Variants in RGS12 observed in about 807,000 individuals in gnomAD.
The protein encoded by RGS12 is regulator of G-protein signaling 12.
In RGS12, 66 loss-of-function variants were observed where a neutral mutation model predicts 120.1. The observed-to-expected ratio is 0.55, with a 90% CI of 0.45 to 0.67. The LOEUF is 0.67. Among genes scored for constraint, RGS12 ranks in the 30% least tolerant of loss-of-function variants. RGS12 has a pLI of 0.00. For synonymous variants in RGS12, 827 were observed against 804.7 expected (o/e 1.03, Z -0.47); for missense variants, 1,859 against 1,957.7 (o/e 0.95, Z 0.95).
intron 3 of RGS12, among the ~76,000 whole-genome samples, chr4:3,368,355 ACCTGTGTGTGTGCGTG>A (rs1456184498): frequency 1.6e-5 from 2 of 127,942 alleles, no homozygotes; most frequent in African/African-American, 6.0e-5. Context: ...GTGTGTGTGC[ACCTGTGTGTGTGCGTG>A]CCTGTGTGTG....
chr4:3,417,605 C>A, intron 9 of RGS12, 64 bp downstream of exon 9: 1 of 1,563,658 alleles, frequency 6.4e-7, no homozygotes, highest in South Asian at 1.1e-5. Context: ...GTCCTGGCGT[C>A]GCTCTGGTGG....
At chr4:3,309,920 GA>G in intron 1 of RGS12, among the ~76,000 whole-genome samples, 1 of 142,008 alleles carries the variant, frequency 7.0e-6, no homozygotes, top group African/African-American at 2.7e-5. Flanking sequence ...GAGGAGCTGG[GA>G]CCCTGGAATG....
At chr4:3,423,192 C>G (rs551096111) in intron 12 of RGS12, among the ~76,000 whole-genome samples, 6 of 152,296 alleles carry the variant, frequency 3.9e-5, no homozygotes, top group African/African-American at 1.2e-4. Flanking sequence ...GTCCCGTGAA[C>G]AGGGACTGCC....
chr4:3,415,182 G>A (rs1035613115), intron 6 of RGS12, among the ~76,000 whole-genome samples: 16 of 151,202 alleles, frequency 1.1e-4, no homozygotes, highest in Admixed American at 4.6e-4. Context: ...GTGTGATAGG[G>A]CCGCGTGTGA....
At chr4:3,425,269 G>A (rs367841967) in intron 13 of RGS12, among the ~76,000 whole-genome samples, 195 bp from the exon 14 acceptor site, 19 of 152,210 alleles carry the variant, frequency 1.2e-4, no homozygotes, top group South Asian at 1.2e-3. Context: ...TAGGATGGTC[G>A]TGTAGTCGGG....
intron 1 of RGS12, among the ~76,000 whole-genome samples, chr4:3,293,401 C>G (rs1723164265): frequency 6.8e-6 from 1 of 147,678 alleles, no homozygotes; most frequent in Admixed American, 6.7e-5. Context: ...GGGCCCCGCG[C>G]TGTGAGGCCC....
In RGS12 at chr4:3,389,756, C is replaced by T. The variant is rs929081646; in HGVS notation, c.2020+3319C>T. 5.9e-5 allele frequency among the ~76,000 whole-genome samples: 9 copies of T among 152,188 alleles called. No individual in the cohort carries two copies. The highest frequency in any genetic ancestry group is 1.9e-4 in the African/African-American group (8 of 41,440). ...ACGGCGTCTGTGCCAGCAGGAAAGC[C>T]GGGGAACTGTGCGGCTCTGGCTTTG... is the stretch of plus-strand genomic sequence containing the variant. On this transcript the variant is annotated intron_variant, in intron 4 of 17. Coordinates refer to ENST00000336727, the MANE Select transcript of RGS12 (RefSeq NM_001394154.1). The surrounding 1 kb of genome is among the most constrained non-coding windows in gnomAD (Gnocchi z 5.2).
intron 3 of RGS12, among the ~76,000 whole-genome samples, chr4:3,368,576 G>GTGGA (rs1716621051): frequency 1.5e-5 from 2 of 132,570 alleles, no homozygotes. Flanking sequence ...TGTGTGTGGG[G>GTGGA]TGCCTGTGTG....
At chr4:3,291,326 G>T (rs910039984), upstream of RGS12, among the ~76,000 whole-genome samples, 17 of 151,540 alleles carry the variant, frequency 1.1e-4, no homozygotes, top group Non-Finnish European at 1.9e-4. Flanking sequence ...GGGCCAGGGT[G>T]GGGGCAGTTT....
chr4:3,286,213 G>A, the RGS12 span, among the ~76,000 whole-genome samples: 1 of 152,222 alleles, frequency 6.6e-6, no homozygotes, highest in East Asian at 1.9e-4. Flanking sequence ...GATGCTTAGA[G>A]CCAGGAGAGG....
intron 1 of RGS12, among the ~76,000 whole-genome samples, chr4:3,310,771 G>A (rs970046140): frequency 6.6e-6 from 1 of 152,148 alleles, no homozygotes; most frequent in African/African-American, 2.4e-5. Context: ...GATGACTATG[G>A]GAGGGTGTGA....
At chr4:3,362,382 T>C (rs1238183856) in intron 3 of RGS12, among the ~76,000 whole-genome samples, 1 of 148,160 alleles carries the variant, frequency 6.7e-6, no homozygotes, top group East Asian at 2.0e-4. Flanking sequence ...TGTCAGTGTG[T>C]GAGGATGTGT....
chr4:3,317,260 A>C lies in RGS12; in HGVS notation c.1090A>C (p.Thr364Pro). Residue 364 changes from threonine to proline, a missense_variant, in exon 2 of 18, where the codon ACG becomes CCG. Thr to Pro is a conservative substitution (Grantham distance 38, BLOSUM62 -1). Around this residue, in one of 3 missense-constraint regions of RGS12, gnomAD observed 967 missense variants for 994.2 expected, o/e 0.97. Transcript: ENST00000336727. ...TGCTCGGCGGTTTGGGTTTGAGTGC[A>C]CGGCCGACCCAGACACCAATGGCTG... ...GIARRFGFEC[T>P]ADPDTNGCLE... is the part of the protein sequence containing the mutation. 6.2e-7 allele frequency: 1 copy of C among 1,614,104 alleles called. No homozygotes were observed.
intron 1 of RGS12, among the ~76,000 whole-genome samples, chr4:3,296,809 T>A (rs948487652): frequency 6.6e-6 from 1 of 152,118 alleles, no homozygotes; most frequent in Non-Finnish European, 1.5e-5. Context: ...TGGAAACAGG[T>A]GTCCTGGGAA....
intron 3 of RGS12, among the ~76,000 whole-genome samples, chr4:3,382,414 A>G (rs1005208131): frequency 3.3e-5 from 5 of 152,122 alleles, no homozygotes; most frequent in Non-Finnish European, 5.9e-5. Context: ...GACACTGATG[A>G]TTAGTATATC....
intron 2 of RGS12, 140 bp downstream of exon 2, chr4:3,318,191 G>A: frequency 1.4e-6 from 1 of 728,030 alleles, no homozygotes; most frequent in South Asian, 2.0e-5. Flanking sequence ...ATCACAGGGT[G>A]TCTGCGTTGC....
chr4:3,362,728 C>T (rs1308091715), intron 3 of RGS12, among the ~76,000 whole-genome samples: 17 of 89,278 alleles, frequency 1.9e-4, no homozygotes, highest in East Asian at 3.9e-4. Context: ...GGTGAGGGTG[C>T]GAGGATGTCT....
chr4:3,287,987 C>A, the RGS12 span, among the ~76,000 whole-genome samples: 1 of 152,232 alleles, frequency 6.6e-6, no homozygotes, highest in South Asian at 2.1e-4. Flanking sequence ...CCATCCCTGC[C>A]CTGCTTCCCA....
At chr4:3,367,302 G>A (rs867365213) in intron 3 of RGS12, among the ~76,000 whole-genome samples, 72 of 152,348 alleles carry the variant, frequency 4.7e-4, no homozygotes, top group Middle Eastern at 3.4e-3. Context: ...AGAACGGCTC[G>A]CCCTTTCCGA....
Sources: allele counts gnomAD v4.1 joint callset (sites outside exome capture counted in the v4.1 genomes callset), GRCh38; gene constraint gnomAD v4.1.1; regional missense constraint gnomAD v4.1.1; non-coding constraint Gnocchi (gnomAD v3.1); transcripts MANE v1.5; gene names NCBI Gene and HGNC (gene_info 2026-07-23, HGNC 2026-07-21).